Variants in UBE3C observed in about 807,000 individuals in gnomAD.
UBE3C encodes the protein ubiquitin-protein ligase E3C.
A neutral mutation model predicts 129.4 loss-of-function variants in UBE3C; 42 were observed. The observed-to-expected ratio is 0.32, with a 90% CI of 0.25 to 0.42. The LOEUF (loss-of-function observed/expected upper bound fraction) is 0.42, where lower values mean the gene tolerates loss of function less well. Among genes scored for constraint, UBE3C ranks in the 10% least tolerant of loss-of-function variants. The probability of loss-of-function intolerance (pLI) is 1.00; values close to 1 mark genes in which losing one functional copy is unlikely to be tolerated. For synonymous variants in UBE3C, 510 were observed against 492.4 expected (o/e 1.04, Z -0.47); for missense variants, 1,049 against 1,319.1 (o/e 0.80, Z 3.17).
At chr7:157,179,837 G>A (rs3802121) in intron 6 of UBE3C, among the ~76,000 whole-genome samples, 45,154 of 151,918 alleles carry the variant, frequency 0.3, 8,530 homozygotes, top group African/African-American at 0.52. Context: ...TTGCTGCTTG[G>A]CGTGTTACTA....
In UBE3C at chr7:157,230,932, AATG is replaced by A. The variant is rs1359831334; in HGVS notation, c.2234-145_2234-143del. ...GGAGCAAGACTCTGTCTCAAAAAAT[AATG>A]ATAATATCATTGCTGTTTTGAGTCC... On this transcript the variant is annotated intron_variant, in intron 17 of 22. Transcript: ENST00000348165. The A allele has an allele frequency of 5.4e-5, 66 of 1,215,612 alleles. No individual in the cohort carries two copies. In the East Asian group the frequency reaches 1.3e-3, roughly 25 times the overall value. The allele number at this position is 1,215,612 out of a possible 1,614,324, so 75.3% of individuals were successfully genotyped here.
At position 157,186,934 on chromosome 7, in the gene UBE3C, A is replaced by C; in HGVS notation, c.1244A>C (p.Asp415Ala). Residue 415 changes from aspartate (D) to alanine (A), a missense_variant, in exon 10 of 23, where the codon GAC (aspartate) becomes GCC (alanine). Coordinates refer to ENST00000348165, the MANE Select transcript of UBE3C (RefSeq NM_014671.3). ...TNTLLNLVWR[D>A]SASEEVFTTM... is the part of the protein sequence containing the mutation. ...ACCCTGCTCAACCTGGTGTGGAGGG[A>C]CTCTGCGAGCGAGGAGGTCTTCACC... 1 of 1,613,874 alleles carries C rather than the reference A, an allele frequency of 6.2e-7. No homozygotes were observed. The highest frequency in any genetic ancestry group is 1.3e-5 in the African/African-American group (1 of 74,940).
intron 19 of UBE3C, 85 bp downstream of exon 19, chr7:157,248,665 G>GT: frequency 7.0e-7 from 1 of 1,429,752 alleles, no homozygotes; most frequent in Non-Finnish European, 9.7e-7. Context: ...GTGTTACAGC[G>GT]TTTGACTTCC....
At chr7:157,211,316 C>T (rs1438224660) in intron 13 of UBE3C, among the ~76,000 whole-genome samples, 3 of 152,104 alleles carry the variant, frequency 2.0e-5, no homozygotes, top group East Asian at 1.9e-4. Flanking sequence ...TCCTAACATG[C>T]GACCATTTGA....
intron 4 of UBE3C, among the ~76,000 whole-genome samples, chr7:157,172,050 A>G (rs1213950950): frequency 1.4e-5 from 2 of 143,346 alleles, no homozygotes; most frequent in Non-Finnish European, 3.0e-5. Context: ...CCTTTTTGAG[A>G]CGGAGTCTTG....
intron 1 of UBE3C, among the ~76,000 whole-genome samples, chr7:157,151,029 T>G (rs974214476): frequency 6.6e-6 from 1 of 152,194 alleles, no homozygotes; most frequent in South Asian, 2.1e-4. Flanking sequence ...CCCGCTAAGC[T>G]GCTGAGCAGA....
chr7:157,261,393 A>G (rs1007616368), intron 22 of UBE3C, among the ~76,000 whole-genome samples: 2 of 151,770 alleles, frequency 1.3e-5, no homozygotes, highest in African/African-American at 2.4e-5. Flanking sequence ...CCGCACAATC[A>G]TAATTGAGTT....
intron 13 of UBE3C, among the ~76,000 whole-genome samples, chr7:157,212,987 G>A (rs1809640266): frequency 6.6e-6 from 1 of 152,106 alleles, no homozygotes. Context: ...TGAACTCCTA[G>A]GCTCGAGTGA....
In UBE3C at chr7:157,170,329, A is replaced by G; in HGVS notation, c.221A>G (p.Asp74Gly). The G allele has an allele frequency of 6.6e-7, 1 of 1,525,790 alleles. No homozygotes were observed. Among genetic ancestry groups the G allele is most frequent in the Non-Finnish European group, 8.8e-7 (1 of 1,141,220 alleles). 94.5% of individuals were successfully genotyped at this position (1,525,790 alleles called of 1,614,324 possible). A position where few individuals can be genotyped will look rare whatever the true frequency, so the allele number is the denominator to read the frequency against. The change falls in exon 4 of 23, where the codon GAT becomes GGT. Residue 74 changes from aspartate (D) to glycine (G), a missense_variant. Asp to Gly is a moderately conservative substitution (Grantham distance 94). Around this residue, in one of 4 missense-constraint regions of UBE3C, gnomAD observed 489 missense variants for 513.8 expected, o/e 0.95. Coordinates refer to ENST00000348165, the MANE Select transcript of UBE3C (RefSeq NM_014671.3). ...QQYSIQRSAF[D>G]RCATLSQSGG... Reference sequence around the variant, plus strand: ...TATTCCATCCAAAGAAGTGCATTTGATCGCTGTGCTACCTTGTCACAGTCC... The same window carrying G: ...TATTCCATCCAAAGAAGTGCATTTGGTCGCTGTGCTACCTTGTCACAGTCC...
chr7:157,256,054 T>A (rs1390017876), intron 21 of UBE3C, among the ~76,000 whole-genome samples: 1 of 152,152 alleles, frequency 6.6e-6, no homozygotes, highest in African/African-American at 2.4e-5. Context: ...TGCAGCACGG[T>A]TCTTCAAAAT....
chr7:157,263,273 T>C (rs1463597040), intron 22 of UBE3C: 1 of 119,698 alleles, frequency 8.4e-6, no homozygotes, highest in East Asian at 1.9e-4. Context: ...CAGGCACCTG[T>C]CGTAACGCCA....
intron 5 of UBE3C, among the ~76,000 whole-genome samples, chr7:157,177,770 G>A (rs983623923): frequency 1.3e-5 from 2 of 152,104 alleles, no homozygotes; most frequent in Non-Finnish European, 2.9e-5. Flanking sequence ...TGCGGTAAGC[G>A]GATAAGCCGT....
At chr7:157,173,384 A>G (rs1002388) in intron 4 of UBE3C, among the ~76,000 whole-genome samples, 6,996 of 152,330 alleles carry the variant, frequency 0.046, 216 homozygotes, top group Non-Finnish European at 0.071. Flanking sequence ...TCTCAAGCAT[A>G]GATGCGATAG....
intron 17 of UBE3C, 23 bp downstream of exon 17, chr7:157,225,562 A>G (rs1554433774): frequency 6.5e-7 from 1 of 1,538,100 alleles, no homozygotes. Context: ...CTTTCTGTGT[A>G]TTATTTGGCA....
chr7:157,175,890 G>A (rs1808503060), intron 5 of UBE3C, among the ~76,000 whole-genome samples: 1 of 152,010 alleles, frequency 6.6e-6, no homozygotes, highest in Non-Finnish European at 1.5e-5. Flanking sequence ...TGTAAATGGC[G>A]AGATAGCAAA....
chr7:157,242,214 AAGC>A (rs1293234983), intron 18 of UBE3C, among the ~76,000 whole-genome samples: 2 of 152,204 alleles, frequency 1.3e-5, no homozygotes, highest in Non-Finnish European at 2.9e-5. Context: ...AAGTTAGAGA[AAGC>A]AGCAGTCAGT....
chr7:157,249,377 G>A (rs1489735947), intron 19 of UBE3C, among the ~76,000 whole-genome samples: 6 of 151,874 alleles, frequency 4.0e-5, no homozygotes, highest in African/African-American at 1.2e-4. Flanking sequence ...GTGCAGTGGC[G>A]CAATCTCGGC....
rs144984506 is a variant in UBE3C, at chr7:157,258,608, C to T, written c.3081+1564C>T. On this transcript the variant is annotated intron_variant, in intron 22 of 22. Transcript: ENST00000348165. Reference sequence around the variant, plus strand: ...CTGAATAGCTGTGATTACAGGCGTGCGCCTCCATGCCCGGCTAATTTTTGT... The same window carrying T: ...CTGAATAGCTGTGATTACAGGCGTGTGCCTCCATGCCCGGCTAATTTTTGT... 9.1e-3 allele frequency among the ~76,000 whole-genome samples: 1,390 copies of T among 152,204 alleles called. 17 individuals are homozygous for T. Among genetic ancestry groups the T allele is most frequent in the African/African-American group, 0.032 (1,339 of 41,530 alleles).
chr7:157,264,874 G>A (rs1797035211), intron 22 of UBE3C, among the ~76,000 whole-genome samples: 3 of 152,224 alleles, frequency 2.0e-5, no homozygotes, highest in South Asian at 4.1e-4. Context: ...TCCTGGTCAC[G>A]TAATTTTTAA....
Sources: gnomAD v4.1 joint callset for allele counts (sites outside exome capture counted in the v4.1 genomes callset) on GRCh38, gnomAD v4.1.1 for gene constraint, gnomAD v4.1.1 regional missense constraint, MANE v1.5 for transcripts, NCBI Gene and HGNC (gene_info 2026-07-23, HGNC 2026-07-21) for gene names.